Variants in SMARCA2 observed in about 807,000 individuals in gnomAD.
The protein encoded by SMARCA2 is SWI/SNF related BAF chromatin remodeling complex subunit ATPase 2.
SMARCA2 carries 61 observed loss-of-function variants against 199.8 expected under a neutral mutation model. The observed-to-expected ratio is 0.31, with a 90% CI of 0.25 to 0.38. The LOEUF (loss-of-function observed/expected upper bound fraction) is 0.38, where lower values mean the gene tolerates loss of function less well. SMARCA2 is among the 10% of genes least tolerant of loss of function. The pLI is 1.00. For synonymous variants in SMARCA2, 935 were observed against 732.0 expected, an observed-to-expected ratio of 1.28 and a Z score of -4.48; for missense variants, 1,344 against 2,012.2, an observed-to-expected ratio of 0.67 and a Z score of 6.35.
At chr9:2,087,146 A>T in intron 18 of SMARCA2, 75 bp downstream of exon 18, 1 of 1,563,506 alleles carries the variant, frequency 6.4e-7, no homozygotes, top group Non-Finnish European at 8.7e-7. Context: ...TGAGAACATT[A>T]GAGCCACAGA....
intron 29 of SMARCA2, among the ~76,000 whole-genome samples, chr9:2,173,978 T>C (rs905566242): frequency 6.6e-6 from 1 of 152,238 alleles, no homozygotes; most frequent in Non-Finnish European, 1.5e-5. Context: ...ATATTGATAC[T>C]TTAAATGTTT....
At chr9:2,175,641 A>G (rs79259791) in intron 29 of SMARCA2, among the ~76,000 whole-genome samples, 16 of 152,216 alleles carry the variant, frequency 1.1e-4, no homozygotes, top group Non-Finnish European at 1.9e-4. Flanking sequence ...CATGTTTTCA[A>G]TGAAGGTAAC....
chr9:2,057,132 C>T (rs920956692), intron 7 of SMARCA2, among the ~76,000 whole-genome samples: 4 of 152,218 alleles, frequency 2.6e-5, no homozygotes, highest in African/African-American at 9.6e-5. Flanking sequence ...ATAGCACAAA[C>T]TGGGTGGTTG....
At chr9:2,101,412 C>T (rs1044698975) in intron 21 of SMARCA2, among the ~76,000 whole-genome samples, 158 bp from the exon 22 acceptor site, 3 of 152,144 alleles carry the variant, frequency 2.0e-5, no homozygotes, top group Admixed American at 6.6e-5. Context: ...ATGCAATATA[C>T]TGAATTTCTG....
Position 2,170,552 on chromosome 9 carries a change from G to C in SMARCA2, c.4253+80G>C. The C allele has an allele frequency of 6.2e-7, 1 of 1,606,402 alleles. No individual in the cohort carries two copies. Among genetic ancestry groups the C allele is most frequent in the Non-Finnish European group, 8.5e-7 (1 of 1,175,262 alleles). ...TGAAACAGATTGAATCATATAATCG[G>C]CCTTTGGAAGCAAATTTCTTCGGTC... On this transcript the variant is annotated intron_variant, in intron 29 of 33. Coordinates refer to ENST00000349721, the MANE Select transcript of SMARCA2 (RefSeq NM_003070.5). This position sits in a 1 kb window ranked among gnomAD's most constrained non-coding sequence, Gnocchi z 4.7.
At chr9:2,063,816 C>T (rs535824231) in intron 9 of SMARCA2, among the ~76,000 whole-genome samples, 3 of 151,408 alleles carry the variant, frequency 2.0e-5, no homozygotes, top group Admixed American at 1.3e-4. Context: ...ACTTGTTGCT[C>T]GTGAATAATA....
At chr9:2,143,777 T>A (rs1468201394) in intron 27 of SMARCA2, among the ~76,000 whole-genome samples, 1 of 152,148 alleles carries the variant, frequency 6.6e-6, no homozygotes, top group Non-Finnish European at 1.5e-5. Flanking sequence ...TAAACTTGAT[T>A]TGTGATGTTT....
rs1826647986 is a variant in SMARCA2, at chr9:2,176,874, C to T, written c.4254-4697C>T. Among the ~76,000 whole-genome samples, 4 of 152,206 alleles carry T rather than the reference C, an allele frequency of 2.6e-5. No homozygotes were observed. The South Asian group carries it at 8.3e-4, about 32-fold the overall frequency. Reference sequence around the variant, plus strand: ...TGCCCCAACATTGGGGTGATTTTAACAGCTACTGATTCCATGACCCAAACA... The same window carrying T: ...TGCCCCAACATTGGGGTGATTTTAATAGCTACTGATTCCATGACCCAAACA... On this transcript the variant is annotated intron_variant, in intron 29 of 33. Coordinates refer to ENST00000349721, the MANE Select transcript of SMARCA2 (RefSeq NM_003070.5).
intron 1 of SMARCA2, among the ~76,000 whole-genome samples, chr9:2,021,111 T>G (rs1331144863): frequency 6.6e-6 from 1 of 152,224 alleles, no homozygotes; most frequent in Non-Finnish European, 1.5e-5. Context: ...TAGTATCAAT[T>G]TAAGCATCAA....
chr9:2,149,345 C>A (rs547782554), intron 27 of SMARCA2, among the ~76,000 whole-genome samples: 6 of 150,950 alleles, frequency 4.0e-5, no homozygotes, highest in African/African-American at 1.5e-4. Flanking sequence ...TGGTGAAACC[C>A]CATCTCTACA....
intron 10 of SMARCA2, among the ~76,000 whole-genome samples, chr9:2,072,730 A>T (rs2130424203): frequency 6.6e-6 from 1 of 152,358 alleles, no homozygotes; most frequent in South Asian, 2.1e-4. Flanking sequence ...ATGTATTGAT[A>T]GGATACTGGG....
intron 27 of SMARCA2, chr9:2,157,585 AT>A (rs1825432182): frequency 3.5e-6 from 1 of 282,014 alleles, no homozygotes; most frequent in African/African-American, 2.2e-5. Context: ...CATGGAAGAA[AT>A]TTCCATGCCT....
chr9:2,184,079 T>G (rs555745986), intron 31 of SMARCA2, among the ~76,000 whole-genome samples: 1 of 152,258 alleles, frequency 6.6e-6, no homozygotes, highest in South Asian at 2.1e-4. Flanking sequence ...TCCCAACCTT[T>G]GAGGTTCCCC....
intron 4 of SMARCA2, 176 bp downstream of exon 4, chr9:2,040,076 G>A: frequency 8.0e-7 from 1 of 1,243,148 alleles, no homozygotes; most frequent in East Asian, 2.5e-5. Context: ...TTCCCCTGCT[G>A]TTGAGACCTA....
intron 9 of SMARCA2, among the ~76,000 whole-genome samples, chr9:2,066,629 A>G (rs1433068727): frequency 6.6e-6 from 1 of 152,236 alleles, no homozygotes; most frequent in Non-Finnish European, 1.5e-5. Flanking sequence ...AATTAGTTCT[A>G]AACTCTTTTG....
chr9:2,164,421 A>C (rs1488629785), intron 28 of SMARCA2, among the ~76,000 whole-genome samples: 1 of 152,164 alleles, frequency 6.6e-6, no homozygotes, highest in Non-Finnish European at 1.5e-5. Flanking sequence ...TAATTTACTT[A>C]ATCTCCCTGA....
At chr9:2,082,018 C>G (rs1187299900) in intron 15 of SMARCA2, 23 bp downstream of exon 15, 3 of 1,604,374 alleles carry the variant, frequency 1.9e-6, no homozygotes, top group African/African-American at 1.3e-5. Flanking sequence ...ATTTATTCCA[C>G]AGTCATCGTT....
chr9:2,145,304 CAAAAAAAAAAAA>C lies in SMARCA2; in HGVS notation c.3982-16368_3982-16357del, dbSNP rs56314428. Among the ~76,000 whole-genome samples the C allele has an allele frequency of 5.5e-3, 727 of 132,334 alleles. 16 individuals carry two copies. Among genetic ancestry groups the C allele is most frequent in the East Asian group, 0.055 (261 of 4,784 alleles). 86.8% of individuals were successfully genotyped at this position (132,334 alleles called of 152,430 possible). On this transcript the variant is annotated intron_variant, in intron 27 of 33. Coordinates refer to ENST00000349721, the MANE Select transcript of SMARCA2 (RefSeq NM_003070.5). ...GGTGACAGAGTGAAGACTCTTGTCT[CAAAAAAAAAAAA>C]AAAAAAAAAAAAAGAGAGAGAAACC...
rs905523057 is a variant in SMARCA2 at position 2,137,305 on chromosome 9, G to A, written c.3981+13368G>A. 2.0e-5 allele frequency among the ~76,000 whole-genome samples: 3 copies of A among 152,200 alleles called. No homozygotes were observed. In the East Asian group the frequency reaches 5.8e-4, roughly 29 times the overall value. On this transcript the variant is annotated intron_variant, in intron 27 of 33. Coordinates refer to ENST00000349721, the MANE Select transcript of SMARCA2 (RefSeq NM_003070.5). ...GAACTTACCAAAAATCGGCCCTGAT[G>A]ACCACTCCTGCATCAGGTTCTCCAG...
Sources: allele counts gnomAD v4.1 joint callset (sites outside exome capture counted in the v4.1 genomes callset), GRCh38; gene constraint gnomAD v4.1.1; non-coding constraint Gnocchi (gnomAD v3.1); transcripts MANE v1.5; gene names NCBI Gene and HGNC (gene_info 2026-07-23, HGNC 2026-07-21).